Variants in SYNDIG1 observed in about 807,000 individuals in gnomAD.
SYNDIG1 encodes the protein synapse differentiation-inducing gene protein 1.
In SYNDIG1, 9 loss-of-function variants were observed where a neutral mutation model predicts 19.4. That is an observed-to-expected ratio of 0.46 (90% confidence interval 0.28 to 0.81). SYNDIG1 has a LOEUF of 0.81. SYNDIG1 is among the 30% of genes least tolerant of loss of function. The probability of loss-of-function intolerance (pLI) is 0.12; values close to 1 mark genes in which losing one functional copy is unlikely to be tolerated. For missense variants in SYNDIG1, 311 were observed against 343.3 expected (o/e 0.91, Z 0.74); for synonymous variants, 141 against 145.9 (o/e 0.97, Z 0.24).
intron 2 of SYNDIG1, among the ~76,000 whole-genome samples, chr20:24,544,682 T>G (rs1009098723): frequency 6.6e-6 from 1 of 151,960 alleles, no homozygotes; most frequent in Admixed American, 6.6e-5. Flanking sequence ...AGGGAAAGTT[T>G]GAAGGGCTCT....
At chr20:24,549,649 C>T (rs572629819) in intron 2 of SYNDIG1, among the ~76,000 whole-genome samples, 28 of 152,328 alleles carry the variant, frequency 1.8e-4, no homozygotes, top group Middle Eastern at 3.4e-3. Flanking sequence ...TGTCCACAGA[C>T]GGCTTGAATA....
Position 24,493,582 on chromosome 20 carries a change from T to G in SYNDIG1, c.-79+23829T>G, listed in dbSNP as rs552196386. ...ACATCTTCCCCAATATTAAATATCC[T>G]TGAAGGTTTTGAGTTGCAGGCTCCA... On this transcript the variant is annotated intron_variant, in intron 1 of 3. Coordinates refer to ENST00000376862, the MANE Select transcript of SYNDIG1 (RefSeq NM_024893.3). 2.0e-4 allele frequency among the ~76,000 whole-genome samples: 30 copies of G among 152,362 alleles called. 1 individual carries two copies. The East Asian group carries it at 4.8e-3, about 24-fold the overall frequency.
intron 1 of SYNDIG1, among the ~76,000 whole-genome samples, chr20:24,527,524 C>CT (rs2057152187): frequency 1.4e-5 from 2 of 146,398 alleles, no homozygotes; most frequent in Admixed American, 6.8e-5. Flanking sequence ...TTTTTTTTTC[C>CT]TTTCTTTTCT....
intron 1 of SYNDIG1, among the ~76,000 whole-genome samples, chr20:24,541,594 C>G (rs1600568129): frequency 1.3e-5 from 2 of 152,134 alleles, no homozygotes; most frequent in Admixed American, 1.3e-4. Context: ...ACCAGACTCC[C>G]AGTCTTATAA....
intron 2 of SYNDIG1, among the ~76,000 whole-genome samples, chr20:24,547,522 T>C (rs1013450617): frequency 1.3e-5 from 2 of 152,106 alleles, no homozygotes; most frequent in African/African-American, 4.8e-5. Flanking sequence ...CTCTGGGGCT[T>C]TGCGGGAGTG....
At chr20:24,576,823 A>G (rs2058236384) in intron 2 of SYNDIG1, among the ~76,000 whole-genome samples, 1 of 152,172 alleles carries the variant, frequency 6.6e-6, no homozygotes, top group African/African-American at 2.4e-5. Flanking sequence ...GACGTCCGTA[A>G]GGATTCCTAA....
intron 1 of SYNDIG1, among the ~76,000 whole-genome samples, chr20:24,523,075 G>A (rs2057039195): frequency 6.6e-6 from 1 of 152,170 alleles, no homozygotes; most frequent in Non-Finnish European, 1.5e-5. Flanking sequence ...TCCTATTGAG[G>A]TTGGCTGTGT....
intron 3 of SYNDIG1, among the ~76,000 whole-genome samples, chr20:24,642,659 G>A (rs2059389493): frequency 1.3e-5 from 2 of 151,892 alleles, no homozygotes; most frequent in African/African-American, 4.8e-5. Context: ...TTGACCCTTG[G>A]GAGCTCTTTC....
intron 2 of SYNDIG1, among the ~76,000 whole-genome samples, chr20:24,559,198 G>A (rs1430661530): frequency 1.3e-5 from 2 of 152,264 alleles, no homozygotes; most frequent in Non-Finnish European, 2.9e-5. Flanking sequence ...CAGCAACATG[G>A]ATGGAACTGG....
intron 1 of SYNDIG1, among the ~76,000 whole-genome samples, chr20:24,486,128 G>A (rs1311090243): frequency 2.0e-5 from 3 of 152,228 alleles, no homozygotes; most frequent in African/African-American, 7.2e-5. Flanking sequence ...GCGTGCCAAG[G>A]CCACATCACA....
intron 2 of SYNDIG1, among the ~76,000 whole-genome samples, chr20:24,551,524 T>A (rs1353965328): frequency 1.3e-5 from 2 of 151,982 alleles, no homozygotes; most frequent in African/African-American, 2.4e-5. Flanking sequence ...GCCCTCTGTT[T>A]CCTTTGGCTT....
intron 3 of SYNDIG1, among the ~76,000 whole-genome samples, chr20:24,642,423 C>T (rs1323654148): frequency 6.6e-6 from 1 of 152,154 alleles, no homozygotes. Flanking sequence ...TGTACTCTGT[C>T]ATAGGAAGTC....
chr20:24,633,099 C>T (rs966225832), intron 3 of SYNDIG1, among the ~76,000 whole-genome samples: 6 of 152,222 alleles, frequency 3.9e-5, no homozygotes, highest in South Asian at 4.1e-4. Flanking sequence ...CAGACCGTGT[C>T]GAATCTGAAC....
chr20:24,519,868 A>G (rs376916915), intron 1 of SYNDIG1, among the ~76,000 whole-genome samples: 1 of 151,402 alleles, frequency 6.6e-6, no homozygotes, highest in African/African-American at 2.4e-5. Context: ...CCCCACCACC[A>G]CCGCCATCAC....
chr20:24,490,686 A>G (rs763258815), intron 1 of SYNDIG1, among the ~76,000 whole-genome samples: 1 of 152,230 alleles, frequency 6.6e-6, no homozygotes, highest in Admixed American at 6.5e-5. Context: ...AGGGGCCGGC[A>G]TGACAGCTGT....
chr20:24,584,894 C>T lies in SYNDIG1; in HGVS notation c.519C>T (p.Phe173=), dbSNP rs866403358. ...YSSDTESEDN[F]LMMPPRDHLG... is the part of the protein sequence containing the mutation. ...GCGACACAGAGAGTGAGGACAATTTCCTCATGATGCCCCCGCGGGACCACC... is the reference window on the plus strand; with the variant it reads ...GCGACACAGAGAGTGAGGACAATTTTCTCATGATGCCCCCGCGGGACCACC... Residue 173 remains phenylalanine, a synonymous_variant, in exon 3 of 4, where the codon TTC becomes TTT. Transcript: ENST00000376862. The T allele has an allele frequency of 1.2e-6, 2 of 1,614,170 alleles. No individual in the cohort carries two copies. Among genetic ancestry groups the T allele is most frequent in the Non-Finnish European group, 1.7e-6 (2 of 1,180,040 alleles).
chr20:24,614,870 A>G (rs1476844712), intron 3 of SYNDIG1, among the ~76,000 whole-genome samples: 1 of 152,256 alleles, frequency 6.6e-6, no homozygotes, highest in Non-Finnish European at 1.5e-5. Flanking sequence ...TATGAAATGA[A>G]CAGAACTTAA....
chr20:24,609,416 T>G (rs1316489192), intron 3 of SYNDIG1, among the ~76,000 whole-genome samples: 1 of 152,178 alleles, frequency 6.6e-6, no homozygotes, highest in African/African-American at 2.4e-5. Flanking sequence ...TATAAAGTAG[T>G]AAAGGGTCAC....
rs1600838148 is a variant in SYNDIG1, at chr20:24,658,304, G to A, written c.619-7042G>A. On this transcript the variant is annotated intron_variant, in intron 3 of 3. Transcript: ENST00000376862. This position sits in a 1 kb window ranked among gnomAD's most constrained non-coding sequence, Gnocchi z 4.4. Reference sequence around the variant, plus strand: ...ACTTCAGACATCTCCAGGGTGTCTCGGGGAAAGGCAGGTAGTGACGCGGCA... The same window carrying A: ...ACTTCAGACATCTCCAGGGTGTCTCAGGGAAAGGCAGGTAGTGACGCGGCA... Among the ~76,000 whole-genome samples the A allele has an allele frequency of 6.6e-6, 1 of 152,058 alleles. No individual in the cohort carries two copies. Among genetic ancestry groups the A allele is most frequent in the African/African-American group, 2.4e-5 (1 of 41,414 alleles).
Sources: gnomAD v4.1 joint callset for allele counts (sites outside exome capture counted in the v4.1 genomes callset) on GRCh38, gnomAD v4.1.1 for gene constraint, Gnocchi (gnomAD v3.1) non-coding constraint, MANE v1.5 for transcripts, NCBI Gene and HGNC (gene_info 2026-07-23, HGNC 2026-07-21) for gene names.